The following VMA12 variants were observed in gnomAD, a reference collection of about 807,000 sequenced individuals.
VMA12 encodes vacuolar ATPase assembly protein VMA12.
the VMA12 span, chr17:28,358,852 C>G: frequency 1.5e-6 from 2 of 1,370,132 alleles, no homozygotes; most frequent in South Asian, 1.3e-5. Flanking sequence ...CTACACCCCT[C>G]TTGATCTTAA....
chr17:28,358,001 C>T, the VMA12 span: 1 of 1,061,784 alleles, frequency 9.4e-7, no homozygotes, highest in South Asian at 1.5e-5. Flanking sequence ...TCAAGAGTCA[C>T]TCCATAAATC....
At chr17:28,357,744 G>T in the VMA12 span, 23 of 1,613,352 alleles carry the variant, frequency 1.4e-5, no homozygotes, top group Middle Eastern at 3.3e-4. Context: ...GAGCCAGAGC[G>T]GCTACCCCGA....
chr17:28,357,704 G>A, the VMA12 span: 1 of 1,613,098 alleles, frequency 6.2e-7, no homozygotes, highest in African/African-American at 1.3e-5. Context: ...CGAGCGATTG[G>A]TGCGTGCTTT....
chr17:28,359,211 C>G, the VMA12 span: 2 of 1,223,422 alleles, frequency 1.6e-6, no homozygotes, highest in African/African-American at 3.0e-5. Flanking sequence ...GTATGTGGGT[C>G]TCCTGATACC....
At chr17:28,359,622 T>G in the VMA12 span, 1 of 302,876 alleles carries the variant, frequency 3.3e-6, no homozygotes, top group Non-Finnish European at 5.4e-6. Context: ...GAAGTGGGAG[T>G]TAGCCGGGCA....
chr17:28,362,443 C>T, the VMA12 span: 1 of 152,152 alleles, frequency 6.6e-6, no homozygotes, highest in Admixed American at 6.5e-5. Flanking sequence ...AGGCGGATCA[C>T]TTGAGGTTGG....
the VMA12 span, chr17:28,357,833 G>T: frequency 1.2e-6 from 2 of 1,614,084 alleles, no homozygotes; most frequent in Admixed American, 3.3e-5. Context: ...CCAACGCTTG[G>T]TTTCTTTCCG....
chr17:28,358,008 A>G, the VMA12 span: 1 of 986,470 alleles, frequency 1.0e-6, no homozygotes, highest in Non-Finnish European at 1.5e-6. Context: ...TCACTCCATA[A>G]ATCCCAGGGC....
At chr17:28,360,890 G>C in the VMA12 span, 14 of 1,534,290 alleles carry the variant, frequency 9.1e-6, no homozygotes, top group Non-Finnish European at 1.3e-5. Context: ...TGGTGGGGGT[G>C]TTAGTGGGTA....
the VMA12 span, chr17:28,358,018 C>A: frequency 1.1e-6 from 1 of 894,586 alleles, no homozygotes; most frequent in Non-Finnish European, 1.7e-6. Flanking sequence ...AATCCCAGGG[C>A]CACCCACTTT....
chr17:28,357,816 G>C, the VMA12 span: 1 of 1,614,120 alleles, frequency 6.2e-7, no homozygotes, highest in Non-Finnish European at 8.5e-7. Flanking sequence ...GATAGCTCCA[G>C]TGGCCCCCAA....
chr17:28,358,737 G>C, the VMA12 span, among the ~76,000 whole-genome samples: 1 of 152,134 alleles, frequency 6.6e-6, no homozygotes, highest in African/African-American at 2.4e-5. Flanking sequence ...GCGCAGCACT[G>C]GGAGATACCT....
chr17:28,361,021 A>T, the VMA12 span: 2 of 943,356 alleles, frequency 2.1e-6, no homozygotes, highest in Non-Finnish European at 3.3e-6. Flanking sequence ...TAACCCCAGG[A>T]GAAGCCACAT....
At chr17:28,359,482 T>C in the VMA12 span, 53 of 1,406,106 alleles carry the variant, frequency 3.8e-5, no homozygotes, top group African/African-American at 6.0e-4. Flanking sequence ...ATACAGAGTT[T>C]AGAAAAAACA....
the VMA12 span, chr17:28,357,669 A>G: frequency 3.7e-6 from 6 of 1,611,722 alleles, no homozygotes; most frequent in African/African-American, 5.3e-5. Context: ...AGCCGGCTAG[A>G]TATGGCGTCC....
chr17:28,360,576 G>A, the VMA12 span: 1 of 1,614,176 alleles, frequency 6.2e-7, no homozygotes, highest in Non-Finnish European at 8.5e-7. Flanking sequence ...AGCAAGGTGA[G>A]GTACTAGGAG....
the VMA12 span, chr17:28,357,729 A>T: frequency 6.2e-7 from 1 of 1,613,132 alleles, no homozygotes. Context: ...CCCGGCGGGG[A>T]GCTGGAGCCA....
At chr17:28,360,935 T>G in the VMA12 span, 1 of 1,169,408 alleles carries the variant, frequency 8.6e-7, no homozygotes, top group East Asian at 2.3e-5. Flanking sequence ...TTGCACAGGT[T>G]AGGTATTGAA....
At chr17:28,361,181 G>A in the VMA12 span, 20 of 1,613,984 alleles carry the variant, frequency 1.2e-5, no homozygotes, top group East Asian at 8.9e-5. Context: ...ATTGATCGTC[G>A]CCTCTGTGGT....
Sources: gnomAD v4.1 joint callset for allele counts (sites outside exome capture counted in the v4.1 genomes callset) on GRCh38, gnomAD v4.1.1 for gene constraint, MANE v1.5 for transcripts, NCBI Gene and HGNC (gene_info 2026-07-23, HGNC 2026-07-21) for gene names.